The following SOX5 variants were observed in gnomAD, a reference collection of about 807,000 sequenced individuals.
SOX5 encodes SRY-box transcription factor 5, also known as transcription factor SOX-5.
Under a neutral mutation model 92.0 loss-of-function variants are expected in SOX5, and 9 were observed. The ratio of observed to expected loss-of-function variants is 0.10; its 90% CI spans 0.06 to 0.17. SOX5 has a LOEUF of 0.17. SOX5 is among the 10% of genes least tolerant of loss of function. SOX5 has a pLI of 1.00. For synonymous variants in SOX5, 344 were observed against 336.3 expected (o/e 1.02, Z -0.25); for missense variants, 642 against 944.5 (o/e 0.68, Z 4.20).
intron 4 of SOX5, among the ~76,000 whole-genome samples, chr12:24,192,837 A>G (rs1956656806): frequency 6.6e-6 from 1 of 152,150 alleles, no homozygotes; most frequent in South Asian, 2.1e-4. Context: ...CCCCCAGGTA[A>G]AGGAGAGCAG....
intron 7 of SOX5, among the ~76,000 whole-genome samples, chr12:23,661,841 T>C (rs1376974542): frequency 6.6e-6 from 1 of 152,154 alleles, no homozygotes; most frequent in Non-Finnish European, 1.5e-5. Flanking sequence ...TTTAGTTACT[T>C]AGTTGTTCAA....
intron 4 of SOX5, among the ~76,000 whole-genome samples, chr12:24,068,698 GTGTGTGTATATATATATATA>G (rs1332870959): frequency 1.2e-4 from 7 of 56,430 alleles, no homozygotes; most frequent in Admixed American, 7.4e-4. Context: ...GTGTGTGTGT[GTGTGTGTATATATATATATA>G]TATATATATA....
chr12:24,320,265 T>C (rs1339331941), intron 2 of SOX5, among the ~76,000 whole-genome samples: 1 of 152,244 alleles, frequency 6.6e-6, no homozygotes, highest in Non-Finnish European at 1.5e-5. Flanking sequence ...TGTTCCCTCC[T>C]AGTTAACCCA....
chr12:24,300,263 G>A (rs562846931), intron 2 of SOX5, among the ~76,000 whole-genome samples: 1 of 152,164 alleles, frequency 6.6e-6, no homozygotes, highest in African/African-American at 2.4e-5. Context: ...ATAGGAAAGG[G>A]AGACCCTACA....
At chr12:23,714,090 C>CA (rs545073798) in intron 6 of SOX5, among the ~76,000 whole-genome samples, 3,079 of 94,540 alleles carry the variant, frequency 0.033, 86 homozygotes, top group African/African-American at 0.095. Context: ...GACTCCGCCT[C>CA]AAAAAAAAAA....
At chr12:24,437,643 C>CTCAAAAGAAGACATTTA (rs1443543657) in intron 1 of SOX5, among the ~76,000 whole-genome samples, 2 of 152,182 alleles carry the variant, frequency 1.3e-5, no homozygotes, top group African/African-American at 4.8e-5. Context: ...ACAGACACTT[C>CTCAAAAGAAGACATTTA]TCAAAAGAAG....
intron 3 of SOX5, among the ~76,000 whole-genome samples, chr12:24,214,949 A>C (rs1959049332): frequency 1.3e-5 from 2 of 152,124 alleles, no homozygotes; most frequent in Admixed American, 1.3e-4. Flanking sequence ...TGCAAAGTTG[A>C]TTTACCATAT....
intron 4 of SOX5, among the ~76,000 whole-genome samples, chr12:24,209,997 G>A (rs1365163469): frequency 5.1e-5 from 6 of 117,564 alleles, no homozygotes; most frequent in East Asian, 5.2e-4. Flanking sequence ...CAGCCTGGGC[G>A]ACAGAGCGAG....
At chr12:23,643,141 G>A (rs1005570669) in intron 7 of SOX5, among the ~76,000 whole-genome samples, 2 of 151,938 alleles carry the variant, frequency 1.3e-5, no homozygotes, top group African/African-American at 4.8e-5. Context: ...TGGTGACATG[G>A]GGATGGAGAG....
At chr12:24,370,223 C>T (rs1956583234) in intron 1 of SOX5, among the ~76,000 whole-genome samples, 1 of 151,998 alleles carries the variant, frequency 6.6e-6, no homozygotes, top group Admixed American at 6.6e-5. Flanking sequence ...GCCTGTAATC[C>T]CAGCGCTTTG....
rs543942681 is a variant in SOX5 at position 24,109,863 on chromosome 12, C to T, written c.-2+103480G>A. On this transcript the variant is annotated intron_variant, in intron 4 of 4. Coordinates refer to the SOX5 transcript ENST00000446891. ...AAGCCTACAGTCCATGTCCTAGTTT[C>T]CAAAAAATAAAGACAGAAGCAGAGT... Among the ~76,000 whole-genome samples the T allele has an allele frequency of 2.0e-5, 3 of 152,162 alleles. No individual in the cohort carries two copies. In the South Asian group the frequency reaches 6.2e-4, roughly 32 times the overall value.
intron 4 of SOX5, among the ~76,000 whole-genome samples, chr12:24,027,422 C>A (rs897289194): frequency 6.6e-6 from 1 of 151,954 alleles, no homozygotes; most frequent in African/African-American, 2.4e-5. Flanking sequence ...AGTGACATTG[C>A]CATTCACTGA....
intron 6 of SOX5, among the ~76,000 whole-genome samples, chr12:23,720,936 CAGA>C (rs2092780098): frequency 6.6e-6 from 1 of 152,100 alleles, no homozygotes; most frequent in African/African-American, 2.4e-5. Flanking sequence ...AGGTAAGACC[CAGA>C]AGAACAGGGT....
intron 1 of SOX5, among the ~76,000 whole-genome samples, chr12:24,427,154 T>A (rs1966844481): frequency 1.3e-5 from 2 of 152,382 alleles, no homozygotes; most frequent in South Asian, 2.1e-4. Context: ...TCAACCATTA[T>A]TGAACTATAG....
chr12:23,637,344 C>T (rs776878336), intron 8 of SOX5, among the ~76,000 whole-genome samples: 3 of 152,042 alleles, frequency 2.0e-5, no homozygotes, highest in African/African-American at 4.8e-5. Context: ...AAACAGAAAA[C>T]GAGTGAGAAC....
intron 1 of SOX5, among the ~76,000 whole-genome samples, chr12:24,409,365 A>C (rs957073542): frequency 2.0e-5 from 3 of 152,182 alleles, no homozygotes; most frequent in African/African-American, 7.2e-5. Context: ...GGGAATTTAG[A>C]GGACAGGTCA....
At chr12:23,550,958 A>T (rs530010284) in intron 11 of SOX5, among the ~76,000 whole-genome samples, 1 of 152,110 alleles carries the variant, frequency 6.6e-6, no homozygotes, top group Admixed American at 6.6e-5. Context: ...TAAGTCATCT[A>T]TTACTCCCTG....
chr12:24,499,412 A>G (rs1947964107), intron 1 of SOX5, among the ~76,000 whole-genome samples: 2 of 152,262 alleles, frequency 1.3e-5, no homozygotes, highest in South Asian at 2.1e-4. Flanking sequence ...GTGGCAATTC[A>G]GCAAAGATGG....
intron 1 of SOX5, among the ~76,000 whole-genome samples, chr12:24,400,165 G>GA (rs1306014447): frequency 1.3e-5 from 2 of 152,200 alleles, no homozygotes; most frequent in Non-Finnish European, 2.9e-5. Flanking sequence ...GACTTTAGAG[G>GA]AAAAATTGGT....
Sources: allele counts gnomAD v4.1 joint callset (sites outside exome capture counted in the v4.1 genomes callset), GRCh38; gene constraint gnomAD v4.1.1; transcripts MANE v1.5; gene names NCBI Gene and HGNC (gene_info 2026-07-23, HGNC 2026-07-21).